CTNNA3: variants seen among roughly 807,000 people sequenced by gnomAD.
CTNNA3 encodes the protein catenin alpha 3.
A neutral mutation model predicts 95.7 loss-of-function variants in CTNNA3; 76 were observed. The ratio of observed to expected loss-of-function variants is 0.79; its 90% CI spans 0.66 to 0.96. The LOEUF is 0.96. Among genes scored for constraint, CTNNA3 ranks in the 40% least tolerant of loss-of-function variants. The pLI, the probability that CTNNA3 is intolerant of heterozygous loss-of-function variation, is 0.00. For synonymous variants in CTNNA3, 431 were observed against 374.4 expected, an observed-to-expected ratio of 1.15 and a Z score of -1.74; for missense variants, 1,191 against 1,089.8, an observed-to-expected ratio of 1.09 and a Z score of -1.31.
chr10:67,529,222 G>A (rs1324609101), intron 4 of CTNNA3, among the ~76,000 whole-genome samples: 1 of 151,986 alleles, frequency 6.6e-6, no homozygotes, highest in Non-Finnish European at 1.5e-5. Flanking sequence ...AAAAAATCTG[G>A]TGTTTGGTAA....
intron 15 of CTNNA3, among the ~76,000 whole-genome samples, chr10:66,040,972 A>G (rs2079675051): frequency 6.6e-6 from 1 of 152,202 alleles, no homozygotes; most frequent in Non-Finnish European, 1.5e-5. Flanking sequence ...CTCCTTCAAG[A>G]TATTTACTAA....
chr10:67,372,089 G>C (rs1183059122), intron 5 of CTNNA3, among the ~76,000 whole-genome samples: 1 of 150,592 alleles, frequency 6.6e-6, no homozygotes. Flanking sequence ...TTTTTTTCTT[G>C]TAAATTTGTT....
intron 2 of CTNNA3, among the ~76,000 whole-genome samples, chr10:67,641,653 T>C (rs888299077): frequency 2.4e-4 from 37 of 152,316 alleles, no homozygotes; most frequent in African/African-American, 8.7e-4. Context: ...GTGGCACATA[T>C]ACACCATGGA....
intron 13 of CTNNA3, among the ~76,000 whole-genome samples, chr10:66,171,038 C>A (rs1030906453): frequency 2.0e-5 from 3 of 151,806 alleles, no homozygotes; most frequent in African/African-American, 4.8e-5. Flanking sequence ...GAGGACAAGG[C>A]ACGAGAATCA....
intron 7 of CTNNA3, among the ~76,000 whole-genome samples, chr10:67,023,326 A>T (rs10822962): frequency 0.31 from 46,416 of 151,914 alleles, 8,487 homozygotes; most frequent in East Asian, 0.53. Context: ...AGAATAAGAC[A>T]TTCCTCCATG....
At chr10:66,975,952 A>G (rs1411410096) in intron 7 of CTNNA3, among the ~76,000 whole-genome samples, 3 of 152,360 alleles carry the variant, frequency 2.0e-5, no homozygotes, top group South Asian at 2.1e-4. Context: ...ATTATAGACC[A>G]ATAACTGCTT....
intron 12 of CTNNA3, among the ~76,000 whole-genome samples, chr10:66,358,241 C>CT (rs1430086038): frequency 6.6e-6 from 1 of 152,148 alleles, no homozygotes; most frequent in African/African-American, 2.4e-5. Context: ...CTAACCCCTG[C>CT]TTATCTGTCC....
At chr10:66,236,759 G>A (rs2089872410) in intron 13 of CTNNA3, among the ~76,000 whole-genome samples, 1 of 151,826 alleles carries the variant, frequency 6.6e-6, no homozygotes, top group Admixed American at 6.6e-5. Flanking sequence ...TTTAGGATTT[G>A]TTTAGCTGTT....
chr10:67,248,314 G>A (rs1326434926), intron 5 of CTNNA3, among the ~76,000 whole-genome samples: 1 of 152,164 alleles, frequency 6.6e-6, no homozygotes, highest in Non-Finnish European at 1.5e-5. Flanking sequence ...CTCCAGCATA[G>A]GCAAGAGTGA....
chr10:67,395,489 C>T (rs1159284224), intron 5 of CTNNA3, among the ~76,000 whole-genome samples: 1 of 152,170 alleles, frequency 6.6e-6, no homozygotes, highest in Non-Finnish European at 1.5e-5. Context: ...ACTAATTATT[C>T]TCATAAATTC....
At chr10:66,828,683 T>A (rs990344511) in intron 7 of CTNNA3, among the ~76,000 whole-genome samples, 5 of 152,258 alleles carry the variant, frequency 3.3e-5, no homozygotes, top group African/African-American at 1.2e-4. Flanking sequence ...GTTAGTGTAT[T>A]GCTTATGGAA....
At chr10:67,487,126 C>T (rs748987298) in intron 5 of CTNNA3, among the ~76,000 whole-genome samples, 3 of 152,136 alleles carry the variant, frequency 2.0e-5, no homozygotes. Context: ...GCACTAAGCA[C>T]CAAAGAGCCA....
chr10:67,050,728 A>G (rs1855038002), intron 7 of CTNNA3, among the ~76,000 whole-genome samples: 1 of 152,216 alleles, frequency 6.6e-6, no homozygotes, highest in Non-Finnish European at 1.5e-5. Flanking sequence ...GAAAGCAGAA[A>G]TGACCACTCG....
chr10:67,107,404 G>T (rs1858699743), intron 7 of CTNNA3, among the ~76,000 whole-genome samples: 1 of 152,128 alleles, frequency 6.6e-6, no homozygotes, highest in Admixed American at 6.5e-5. Context: ...TCAATAAAAT[G>T]TTCATACAAC....
chr10:66,734,838 G>C (rs1028817698), intron 9 of CTNNA3, among the ~76,000 whole-genome samples: 2 of 149,932 alleles, frequency 1.3e-5, no homozygotes, highest in African/African-American at 4.9e-5. Flanking sequence ...ACTCCAGCCT[G>C]GGCAACACTG....
At chr10:66,413,724 A>G (rs12268035) in intron 11 of CTNNA3, among the ~76,000 whole-genome samples, 20,496 of 152,230 alleles carry the variant, frequency 0.13, 1,770 homozygotes, top group African/African-American at 0.25. Context: ...ATGTAAATCC[A>G]TTATCCAGAA....
At chr10:67,748,042 A>T (rs1841382897) in intron 1 of CTNNA3, among the ~76,000 whole-genome samples, 1 of 152,210 alleles carries the variant, frequency 6.6e-6, no homozygotes, top group Non-Finnish European at 1.5e-5. Context: ...GAGCAGGAAG[A>T]CAAGATTATG....
intron 11 of CTNNA3, among the ~76,000 whole-genome samples, chr10:66,415,747 G>C (rs113512413): frequency 0.011 from 1,660 of 152,148 alleles, 37 homozygotes; most frequent in African/African-American, 0.038. Flanking sequence ...ACTGTTTGTA[G>C]CCAAAAAAAT....
chr10:65,940,484 G>T (rs2077411976), intron 17 of CTNNA3, among the ~76,000 whole-genome samples: 1 of 152,128 alleles, frequency 6.6e-6, no homozygotes, highest in East Asian at 1.9e-4. Flanking sequence ...TATAGATTAT[G>T]TTGTTCAACA....
Sources: gnomAD v4.1 joint callset for allele counts (sites outside exome capture counted in the v4.1 genomes callset) on GRCh38, gnomAD v4.1.1 for gene constraint, MANE v1.5 for transcripts, NCBI Gene and HGNC (gene_info 2026-07-23, HGNC 2026-07-21) for gene names.